The following CHL1 variants were observed in gnomAD, a reference collection of about 807,000 sequenced individuals.
CHL1 encodes the protein cell adhesion molecule L1 like.
CHL1 carries 96 observed loss-of-function variants against 141.9 expected under a neutral mutation model. The observed-to-expected ratio is 0.68, with a 90% confidence interval of 0.57 to 0.80. The LOEUF (loss-of-function observed/expected upper bound fraction) is 0.80. Ranked by LOEUF, CHL1 falls within the 30% of genes least tolerant of loss-of-function variation. The pLI is 0.00. For synonymous variants in CHL1, 613 were observed against 502.2 expected (o/e 1.22, Z -2.95); for missense variants, 1,820 against 1,457.2 (o/e 1.25, Z -4.05).
Position 382,262 on chromosome 3 carries a change from C to T in CHL1, c.1960C>T (p.His654Tyr), listed in dbSNP as rs778693986. The change falls in exon 17 of 28, where the codon CAC becomes TAC. Residue 654 changes from histidine to tyrosine, a missense_variant. Transcript: ENST00000256509. ...VRLTWEAGAD[H>Y]NSNISEYIVE... Reference sequence around the variant, plus strand: ...GCTGACCTGGGAAGCTGGAGCTGACCACAACAGCAATATTAGCGGTAGGAA... The same window carrying T: ...GCTGACCTGGGAAGCTGGAGCTGACTACAACAGCAATATTAGCGGTAGGAA... 17 of 1,613,378 alleles carry T rather than the reference C, an allele frequency of 1.1e-5. No homozygotes were observed. Among genetic ancestry groups the T allele is most frequent in the Admixed American group, 1.7e-5 (1 of 59,936 alleles).
At chr3:264,542 T>C (rs1250870131) in intron 2 of CHL1, among the ~76,000 whole-genome samples, 3 of 152,206 alleles carry the variant, frequency 2.0e-5, no homozygotes, top group African/African-American at 7.2e-5. Context: ...TTATACATGG[T>C]ACAGATATAT....
chr3:363,474 G>A (rs1575169272), intron 14 of CHL1, 91 bp downstream of exon 14: 1 of 1,175,350 alleles, frequency 8.5e-7, no homozygotes, highest in East Asian at 2.4e-5. Flanking sequence ...ATTTAAGTTG[G>A]AGTACCAGAT....
chr3:394,192 T>A (rs6806357), intron 23 of CHL1, among the ~76,000 whole-genome samples: 5,469 of 152,304 alleles, frequency 0.036, 141 homozygotes, highest in African/African-American at 0.079. Flanking sequence ...CTTCATTTAT[T>A]GATTCTATGT....
chr3:275,857 T>C (rs1039427259), intron 2 of CHL1, among the ~76,000 whole-genome samples: 17 of 152,090 alleles, frequency 1.1e-4, no homozygotes, highest in Admixed American at 1.1e-3. Flanking sequence ...ATTTAAATAT[T>C]ATTAGCAATC....
intron 2 of CHL1, among the ~76,000 whole-genome samples, chr3:271,569 G>T (rs539475283): frequency 3.3e-5 from 5 of 152,192 alleles, no homozygotes; most frequent in Non-Finnish European, 7.3e-5. Flanking sequence ...AAGAAGATTT[G>T]TATATTGGAA....
chr3:335,167 A>G (rs531618192), intron 5 of CHL1, among the ~76,000 whole-genome samples: 16 of 152,328 alleles, frequency 1.1e-4, no homozygotes, highest in African/African-American at 3.8e-4. Context: ...GGGGGAGTGT[A>G]GGAAACCTGG....
intron 2 of CHL1, among the ~76,000 whole-genome samples, chr3:252,359 C>CATAT (rs1368507489): frequency 1.1e-4 from 3 of 26,780 alleles, no homozygotes; most frequent in Non-Finnish European, 1.4e-4. Flanking sequence ...AGAAAGCATC[C>CATAT]AGATATATAT....
At chr3:288,624 A>G (rs1197212832) in intron 2 of CHL1, among the ~76,000 whole-genome samples, 1 of 152,026 alleles carries the variant, frequency 6.6e-6, no homozygotes, top group Non-Finnish European at 1.5e-5. Flanking sequence ...GGAGGATGTG[A>G]TTGCTCCCCT....
intron 26 of CHL1, among the ~76,000 whole-genome samples, chr3:399,994 G>A (rs1708992595): frequency 6.6e-6 from 1 of 152,162 alleles, no homozygotes; most frequent in Non-Finnish European, 1.5e-5. Context: ...TTGGTAATAT[G>A]ACGTTTGCCT....
Position 399,051 on chromosome 3 carries a change from A to T in CHL1, c.3288A>T (p.Gln1096His). 1.9e-6 allele frequency: 3 copies of T among 1,612,846 alleles called. No homozygotes were observed. The highest frequency in any genetic ancestry group is 2.2e-5 in the South Asian group (2 of 91,050). Residue 1096 changes from glutamine (Q) to histidine (H), a missense_variant, in exon 26 of 28, where the codon CAA becomes CAT. Physicochemically the swap from Gln to His is conservative, Grantham distance 24. Coordinates refer to ENST00000256509, the MANE Select transcript of CHL1 (RefSeq NM_006614.4). ...YAGLYDDIST[Q>H]GWFIGLMCAI... is the part of the protein sequence containing the mutation. ...GTTTATATGATGACATCTCCACTCA[A>T]GGCTGGTTTATTGGACTGATGTGTG...
At chr3:293,660 A>T (rs1697915508) in intron 2 of CHL1, among the ~76,000 whole-genome samples, 1 of 152,212 alleles carries the variant, frequency 6.6e-6, no homozygotes, top group Non-Finnish European at 1.5e-5. Context: ...GATACTACCC[A>T]GTTTCCTGCA....
chr3:253,202 A>G (rs1022585821), intron 2 of CHL1, among the ~76,000 whole-genome samples: 3 of 152,254 alleles, frequency 2.0e-5, no homozygotes, highest in African/African-American at 7.2e-5. Context: ...AACTCTCAAT[A>G]TTATGATTAA....
intron 4 of CHL1, among the ~76,000 whole-genome samples, chr3:326,668 A>G (rs1559259174): frequency 6.6e-6 from 1 of 151,866 alleles, no homozygotes; most frequent in Admixed American, 6.6e-5. Flanking sequence ...TTGGGGAGGA[A>G]GAAAAAAATG....
chr3:360,600 T>A (rs112639649), intron 12 of CHL1, among the ~76,000 whole-genome samples, 176 bp downstream of exon 12: 24 of 151,330 alleles, frequency 1.6e-4, no homozygotes, highest in African/African-American at 3.2e-4. Flanking sequence ...CTTTTTTTTT[T>A]TTATTATACT....
rs766975263 is a variant in CHL1, at chr3:319,812, A to G, written c.36A>G (p.Val12=). Residue 12 remains valine (V), a synonymous_variant, in exon 3 of 28, where the codon GTA becomes GTG. Coordinates refer to ENST00000256509, the MANE Select transcript of CHL1 (RefSeq NM_006614.4). ...TTTTACTTGGAAGAGGACTAATCGT[A>G]TATCTAATGTTCCTCCTGTTAAAAT... ...EPLLLGRGLI[V]YLMFLLLKFS... 62 of 1,609,002 alleles carry G rather than the reference A, an allele frequency of 3.9e-5. No homozygotes were observed. Among genetic ancestry groups the G allele is most frequent in the Non-Finnish European group, 4.7e-5 (55 of 1,176,954 alleles).
intron 2 of CHL1, among the ~76,000 whole-genome samples, chr3:304,448 T>C (rs951829234): frequency 2.6e-5 from 4 of 152,232 alleles, no homozygotes; most frequent in African/African-American, 9.6e-5. Context: ...GGGATTTGAC[T>C]TCTTCCTGGC....
rs558951385 is a variant in CHL1, at chr3:214,021, C to A, written c.-175+16958C>A. Among the ~76,000 whole-genome samples, 68 of 152,200 alleles carry A rather than the reference C, an allele frequency of 4.5e-4. 1 individual carries two copies. In the Middle Eastern group the frequency reaches 0.01, roughly 23 times the overall value. ...CCAAACATAGGTGGAATATGGATAC[C>A]TTTACTACAACTACATTTGGGGAGT... On this transcript the variant is annotated intron_variant, in intron 1 of 27. Coordinates refer to ENST00000256509, the MANE Select transcript of CHL1 (RefSeq NM_006614.4).
chr3:372,150 C>T (rs1419756202), intron 15 of CHL1, among the ~76,000 whole-genome samples: 4 of 152,090 alleles, frequency 2.6e-5, no homozygotes, highest in African/African-American at 9.7e-5. Flanking sequence ...TGCATGTTGG[C>T]CTGTCTTGCT....
chr3:385,268 A>G (rs1355935563), intron 19 of CHL1, among the ~76,000 whole-genome samples: 5 of 152,162 alleles, frequency 3.3e-5, no homozygotes, highest in South Asian at 2.1e-4. Flanking sequence ...ATCATGTTCC[A>G]GTAACATTAG....
Sources: allele counts gnomAD v4.1 joint callset (sites outside exome capture counted in the v4.1 genomes callset), GRCh38; gene constraint gnomAD v4.1.1; transcripts MANE v1.5; gene names NCBI Gene and HGNC (gene_info 2026-07-23, HGNC 2026-07-21).